The following PTP4A1 variants were observed in gnomAD, a reference collection of about 807,000 sequenced individuals.
PTP4A1 encodes the protein protein tyrosine phosphatase type IVA 1.
In PTP4A1, 9 loss-of-function variants were observed where a neutral mutation model predicts 20.5. The observed-to-expected ratio is 0.44, with a 90% confidence interval of 0.26 to 0.77. The LOEUF is 0.77. Ranked by LOEUF, PTP4A1 falls within the 30% of genes least tolerant of loss-of-function variation. The pLI is 0.19. For missense variants in PTP4A1, 137 were observed against 218.8 expected, an observed-to-expected ratio of 0.63 and a Z score of 2.36; for synonymous variants, 78 against 67.4, an observed-to-expected ratio of 1.16 and a Z score of -0.77.
At position 63,583,480 on chromosome 6, in the gene PTP4A1, GA is replaced by G. The variant is rs1778375252; in HGVS notation, c.*3308del. ...GGAAAAACTTGTATTTGCCTTCAATGAATTAAACCAGTGATATGTGTTAACG... is the reference window on the plus strand; with the variant it reads ...GGAAAAACTTGTATTTGCCTTCAATGATTAAACCAGTGATATGTGTTAACG... On this transcript the variant is annotated 3_prime_UTR_variant, in exon 6 of 6. Transcript: ENST00000626021. The G allele has an allele frequency of 6.6e-6, 1 of 152,196 alleles. No homozygotes were observed. The highest frequency in any genetic ancestry group is 1.5e-5 in the Non-Finnish European group (1 of 68,032). The allele number at this position is 152,196 out of a possible 1,614,324, so 9.4% of individuals were successfully genotyped here. A position where few individuals can be genotyped will look rare whatever the true frequency, so the allele number is the denominator to read the frequency against.
Position 63,583,297 on chromosome 6 carries a change from C to A in PTP4A1, c.*3123C>A, listed in dbSNP as rs1778364525. 1 of 152,158 alleles carries A rather than the reference C, an allele frequency of 6.6e-6. No individual in the cohort carries two copies. The highest frequency in any genetic ancestry group is 1.5e-5 in the Non-Finnish European group (1 of 68,038). 9.4% of individuals were successfully genotyped at this position (152,158 alleles called of 1,614,324 possible). A position where few individuals can be genotyped will look rare whatever the true frequency, so the allele number is the denominator to read the frequency against. On this transcript the variant is annotated 3_prime_UTR_variant, in exon 6 of 6. Transcript: ENST00000626021. ...GCCATACATGTTAATATTCTACATT[C>A]TTGCTTCCTTAAATTAATATGTTTG... is the stretch of plus-strand genomic sequence containing the variant.
rs1284124588 is a variant in PTP4A1 at position 63,552,063 on chromosome 6, T to C, written c.-446+1570T>C. ...AATCCTTTGGGTGTATACCCAGTAA[T>C]GGGATGGCTGGGTCAAATGGTATTT... On this transcript the variant is annotated intron_variant, in intron 3 of 3. Transcript: ENST00000639568. Among the ~76,000 whole-genome samples, 17 of 152,336 alleles carry C rather than the reference T, an allele frequency of 1.1e-4. No individual in the cohort carries two copies. The East Asian group carries it at 3.3e-3, about 29-fold the overall frequency.
upstream of PTP4A1, among the ~76,000 whole-genome samples, chr6:63,570,314 G>C (rs1239843619): frequency 6.6e-6 from 1 of 152,198 alleles, no homozygotes; most frequent in East Asian, 1.9e-4. Flanking sequence ...CTGGGCAAAA[G>C]AGCAAGACTC....
chr6:63,579,270 G>A lies in PTP4A1; in HGVS notation c.343G>A (p.Val115Ile), dbSNP rs1254555579. 1.2e-6 allele frequency: 2 copies of A among 1,611,012 alleles called. No individual in the cohort carries two copies. Among genetic ancestry groups the A allele is most frequent in the Non-Finnish European group, 1.7e-6 (2 of 1,178,422 alleles). ...VAGLGRAPVL[V>I]ALALIEGGMK... The stretch of plus-strand genomic sequence containing the variant: ...TTACCTCACCAGAGCTCCAGTACTT[G>A]TTGCCCTAGCATTAATTGAAGGTGG... Residue 115 changes from valine to isoleucine, a missense_variant, in exon 5 of 6, where the codon GTT becomes ATT. Coordinates refer to ENST00000626021, the MANE Select transcript of PTP4A1 (RefSeq NM_003463.5).
chr6:63,549,301 G>T, intron 2 of PTP4A1: 1 of 753,972 alleles, frequency 1.3e-6, no homozygotes, highest in South Asian at 1.4e-5. Flanking sequence ...CACTTACAGA[G>T]GATGGCTCTC....
the PTP4A1 span, among the ~76,000 whole-genome samples, chr6:63,516,448 T>G: frequency 6.6e-6 from 1 of 152,214 alleles, no homozygotes; most frequent in South Asian, 2.1e-4. Context: ...GTAGAAGCAC[T>G]TCAAAGTAGT....
At chr6:63,554,560 G>T (rs1003377091) in intron 3 of PTP4A1, among the ~76,000 whole-genome samples, 11 of 152,172 alleles carry the variant, frequency 7.2e-5, no homozygotes, top group African/African-American at 2.7e-4. Flanking sequence ...CACTTTGGGA[G>T]GCCAAGGTGG....
chr6:63,573,086 G>A (rs1777579994), intron 1 of PTP4A1, among the ~76,000 whole-genome samples: 2 of 152,160 alleles, frequency 1.3e-5, no homozygotes, highest in African/African-American at 2.4e-5. Context: ...CTTTGTGACC[G>A]CCGCCTCCGC....
intron 3 of PTP4A1, among the ~76,000 whole-genome samples, chr6:63,555,366 T>A (rs2149492394): frequency 6.6e-6 from 1 of 152,328 alleles, no homozygotes; most frequent in East Asian, 1.9e-4. Context: ...GTCACAGTCA[T>A]TAGATTAGAT....
chr6:63,570,248 T>C (rs531941535), upstream of PTP4A1, among the ~76,000 whole-genome samples: 351 of 152,278 alleles, frequency 2.3e-3, 2 homozygotes, highest in African/African-American at 8.0e-3. Flanking sequence ...GGAGAATTGC[T>C]GGAACCCAGG....
intron 3 of PTP4A1, among the ~76,000 whole-genome samples, chr6:63,552,454 G>A (rs950108629): frequency 3.3e-5 from 5 of 152,020 alleles, no homozygotes; most frequent in South Asian, 4.1e-4. Context: ...AGATGAGTAG[G>A]TTGCAAAAAT....
chr6:63,563,855 T>C (rs1437280260), intron 3 of PTP4A1, among the ~76,000 whole-genome samples: 1 of 152,142 alleles, frequency 6.6e-6, no homozygotes, highest in Non-Finnish European at 1.5e-5. Flanking sequence ...AAAGAAAACT[T>C]AGAAAAACTG....
At chr6:63,562,419 G>A (rs552276344) in intron 3 of PTP4A1, among the ~76,000 whole-genome samples, 2 of 152,056 alleles carry the variant, frequency 1.3e-5, no homozygotes, top group East Asian at 1.9e-4. Context: ...GGCTGGTCTC[G>A]AACTCCCGAC....
At chr6:63,562,416 C>T (rs1777004093) in intron 3 of PTP4A1, among the ~76,000 whole-genome samples, 1 of 152,116 alleles carries the variant, frequency 6.6e-6, no homozygotes, top group Non-Finnish European at 1.5e-5. Context: ...TCAGGCTGGT[C>T]TCGAACTCCC....
At chr6:63,516,890 G>C (rs980839428), upstream of PTP4A1, among the ~76,000 whole-genome samples, 4 of 152,154 alleles carry the variant, frequency 2.6e-5, no homozygotes, top group African/African-American at 9.7e-5. Context: ...AGCTATATGT[G>C]CCAGAGGTAT....
chr6:63,579,332 G>A lies in PTP4A1; in HGVS notation c.404+1G>A. On this transcript the variant is annotated splice_donor_variant, in intron 5 of 5. Coordinates refer to ENST00000626021, the MANE Select transcript of PTP4A1 (RefSeq NM_003463.5). LOFTEE classifies it high-confidence loss of function. ...AAGATGCAGTACAATTCATAAGACA[G>A]TAAGTAATGGATTCTCTTTTCATTT... 1 of 1,586,062 alleles carries A rather than the reference G, an allele frequency of 6.3e-7. No individual in the cohort carries two copies. The highest frequency in any genetic ancestry group is 8.6e-7 in the Non-Finnish European group (1 of 1,161,836).
intron 2 of PTP4A1, among the ~76,000 whole-genome samples, chr6:63,538,690 G>T (rs1775824075): frequency 6.6e-6 from 1 of 152,032 alleles, no homozygotes; most frequent in Non-Finnish European, 1.5e-5. Context: ...TTTAGTTTTT[G>T]CCTACAATAG....
At chr6:63,541,157 C>T (rs1266380002) in intron 2 of PTP4A1, among the ~76,000 whole-genome samples, 2 of 152,162 alleles carry the variant, frequency 1.3e-5, no homozygotes, top group Non-Finnish European at 2.9e-5. Flanking sequence ...AAGAAATCTG[C>T]ATCTCATCCT....
At chr6:63,550,315 C>G (rs1345510820) in exon 3 of PTP4A1, 1 of 152,154 alleles carries the variant, frequency 6.6e-6, no homozygotes, top group Non-Finnish European at 1.5e-5. Flanking sequence ...TGTGCCCGCC[C>G]TCTCTTTCTG....
Sources: allele counts gnomAD v4.1 joint callset (sites outside exome capture counted in the v4.1 genomes callset), GRCh38; gene constraint gnomAD v4.1.1; transcripts MANE v1.5; gene names NCBI Gene and HGNC (gene_info 2026-07-23, HGNC 2026-07-21).